The following PAK3 variants were observed in gnomAD, a reference collection of about 807,000 sequenced individuals.
PAK3 encodes the protein p21 (RAC1) activated kinase 3.
Under a neutral mutation model 41.0 loss-of-function variants are expected in PAK3, and 4 were observed. That is an observed-to-expected ratio of 0.10 (90% confidence interval 0.05 to 0.22). PAK3 has a LOEUF of 0.22. PAK3 is among the 10% of genes least tolerant of loss of function. The pLI is 1.00. For missense variants in PAK3, 205 were observed against 409.9 expected (o/e 0.50, Z 4.32); for synonymous variants, 146 against 139.6 (o/e 1.05, Z -0.32).
At chrX:111,042,297 C>A (rs777518450) in intron 1 of PAK3, among the ~76,000 whole-genome samples, 27 of 111,880 alleles carry the variant, frequency 2.4e-4, no homozygotes, top group Non-Finnish European at 4.9e-4. Context: ...ATTAGGTTGG[C>A]AAAACTCAGT....
At chrX:111,124,464 T>A (rs1266067183) in intron 5 of PAK3, among the ~76,000 whole-genome samples, 1 of 111,846 alleles carries the variant, frequency 8.9e-6, no homozygotes. Context: ...CAGGTCTTAT[T>A]TGACAGTTAT....
At chrX:111,000,865 A>G (rs985561717) in intron 1 of PAK3, among the ~76,000 whole-genome samples, 10 of 112,154 alleles carry the variant, frequency 8.9e-5, no homozygotes, top group Non-Finnish European at 1.9e-4. Flanking sequence ...AACAATAAGT[A>G]AAACAATCAG....
intron 1 of PAK3, among the ~76,000 whole-genome samples, chrX:110,970,276 G>C (rs771495843): frequency 9.0e-6 from 1 of 111,210 alleles, no homozygotes; most frequent in Non-Finnish European, 1.9e-5. Flanking sequence ...TTGTAAATTT[G>C]TTTAAGTTCC....
rs185887884 is a variant in PAK3, at chrX:111,142,859, G to A, written c.276+663G>A. Among the ~76,000 whole-genome samples the A allele has an allele frequency of 5.2e-4, 58 of 110,519 alleles. No individual in the cohort carries two copies. The South Asian group carries it at 5.8e-3, about 11-fold the overall frequency. ...CCATAGTACATACCAATAAGAATTC[G>A]CTGGACAGACCATAGCTATAGATCA... On this transcript the variant is annotated intron_variant, in intron 6 of 17. Transcript: ENST00000372007.
chrX:111,166,955 C>A (rs2094263968), intron 10 of PAK3, among the ~76,000 whole-genome samples: 2 of 111,438 alleles, frequency 1.8e-5, no homozygotes, highest in African/African-American at 6.6e-5. Flanking sequence ...TTAGTCAAGT[C>A]ACTTAACATC....
chrX:111,163,499 C>T, intron 9 of PAK3, 63 bp from the exon 10 acceptor site: 1 of 784,426 alleles, frequency 1.3e-6, no homozygotes, highest in East Asian at 3.2e-5. Flanking sequence ...TATTACAATA[C>T]ATTGACTCCA....
At chrX:111,001,990 A>C (rs907713123) in intron 1 of PAK3, among the ~76,000 whole-genome samples, 1 of 111,683 alleles carries the variant, frequency 9.0e-6, no homozygotes, top group African/African-American at 3.3e-5. Flanking sequence ...AAAGTGTAAA[A>C]TACTGCATAA....
chrX:111,057,485 T>C, intron 1 of PAK3, among the ~76,000 whole-genome samples: 1 of 111,653 alleles, frequency 9.0e-6, no homozygotes. Context: ...AAGGACATTC[T>C]CTTACATAAA....
intron 1 of PAK3, among the ~76,000 whole-genome samples, chrX:111,088,984 A>T (rs1468972393): frequency 8.9e-6 from 1 of 111,884 alleles, no homozygotes; most frequent in African/African-American, 3.2e-5. Flanking sequence ...TCCTTTTCAG[A>T]AAGGGATGAG....
intron 1 of PAK3, among the ~76,000 whole-genome samples, chrX:111,006,849 C>CTTTTCTTTCTTTCTTTCT (rs2091937794): frequency 2.3e-5 from 1 of 42,726 alleles, no homozygotes; most frequent in Non-Finnish European, 4.4e-5. Flanking sequence ...TTCTTTCTTT[C>CTTTTCTTTCTTTCTTTCT]TTTTTTTTTT....
intron 3 of PAK3, among the ~76,000 whole-genome samples, chrX:111,098,956 C>G (rs1169901732): frequency 9.0e-6 from 1 of 110,712 alleles, no homozygotes; most frequent in African/African-American, 3.3e-5. Flanking sequence ...TTTCCCTCTG[C>G]AGGGCCTGGA....
chrX:111,217,581 C>G, intron 17 of PAK3: 1 of 956,914 alleles, frequency 1.0e-6, no homozygotes, highest in Non-Finnish European at 1.3e-6. Context: ...CAAAAACTAT[C>G]CCACCCTAAC....
At chrX:111,024,328 A>G (rs2092238244) in intron 1 of PAK3, among the ~76,000 whole-genome samples, 1 of 111,492 alleles carries the variant, frequency 9.0e-6, no homozygotes, top group Non-Finnish European at 1.9e-5. Context: ...AGGTAGAGTG[A>G]TGCCTCCAGC....
At chrX:111,023,143 T>C (rs2092214701) in intron 1 of PAK3, among the ~76,000 whole-genome samples, 1 of 111,448 alleles carries the variant, frequency 9.0e-6, no homozygotes, top group Non-Finnish European at 1.9e-5. Context: ...CACACGGTGT[T>C]TGGTTTTCTC....
At chrX:110,945,175 G>A (rs2090589190) in intron 1 of PAK3, among the ~76,000 whole-genome samples, 1 of 112,034 alleles carries the variant, frequency 8.9e-6, no homozygotes, top group Non-Finnish European at 1.9e-5. Context: ...GTGTCGTGGA[G>A]ATGGTGTGGG....
chrX:111,212,278 C>T (rs985651373), intron 16 of PAK3, among the ~76,000 whole-genome samples: 12 of 111,974 alleles, frequency 1.1e-4, no homozygotes, highest in Non-Finnish European at 2.1e-4. Context: ...GAACTATTGT[C>T]CTTAATCTTT....
chrX:111,191,396 G>C (rs775985358), intron 11 of PAK3, among the ~76,000 whole-genome samples: 2 of 111,623 alleles, frequency 1.8e-5, no homozygotes, highest in East Asian at 5.6e-4. Context: ...ACTGCACCAG[G>C]CCCAGAAATG....
intron 1 of PAK3, among the ~76,000 whole-genome samples, chrX:111,073,419 G>T (rs1332216673): frequency 1.8e-5 from 2 of 111,721 alleles, no homozygotes; most frequent in East Asian, 2.8e-4. Context: ...CAGTAGAAAA[G>T]ATCAATAAAA....
chrX:111,206,183 T>C (rs1422255454), intron 16 of PAK3, among the ~76,000 whole-genome samples: 1 of 111,340 alleles, frequency 9.0e-6, no homozygotes, highest in Non-Finnish European at 1.9e-5. Context: ...TCCCATTGTC[T>C]TTTGGCCCCT....
Sources: allele counts gnomAD v4.1 joint callset (sites outside exome capture counted in the v4.1 genomes callset), GRCh38; gene constraint gnomAD v4.1.1; transcripts MANE v1.5; gene names NCBI Gene and HGNC (gene_info 2026-07-23, HGNC 2026-07-21).